The following CRYL1 variants were observed in gnomAD, a reference collection of about 807,000 sequenced individuals.
CRYL1 encodes crystallin lambda 1.
Under a neutral mutation model 36.6 loss-of-function variants are expected in CRYL1, and 29 were observed. That is an observed-to-expected ratio of 0.79 (90% CI 0.59 to 1.08). The LOEUF is 1.08. Among genes scored for constraint, CRYL1 ranks in the 50% least tolerant of loss-of-function variants. The pLI, the probability that CRYL1 is intolerant of heterozygous loss-of-function variation, is 0.00. For missense variants in CRYL1, 411 were observed against 407.9 expected (o/e 1.01, Z -0.06); for synonymous variants, 152 against 151.5 (o/e 1.00, Z -0.02).
intron 2 of CRYL1, among the ~76,000 whole-genome samples, chr13:20,505,293 G>A (rs2033772715): frequency 6.9e-6 from 1 of 145,134 alleles, no homozygotes; most frequent in African/African-American, 2.5e-5. Flanking sequence ...GGAGGCAGAA[G>A]TTAGAGTAAG....
At position 20,481,424 on chromosome 13, in the gene CRYL1, G is replaced by T. The variant is rs1021902364; in HGVS notation, c.276+7946C>A. The stretch of plus-strand genomic sequence containing the variant: ...AAAGAACAGATCAGTGGTGGGCAAG[G>T]CCTGGGGAACGGTGGGAGGAAATTA... On this transcript the variant is annotated intron_variant, in intron 3 of 7. Transcript: ENST00000298248. The surrounding 1 kb of genome is among the most constrained non-coding windows in gnomAD (Gnocchi z 4.1). 1.3e-5 allele frequency among the ~76,000 whole-genome samples: 2 copies of T among 152,182 alleles called. No individual in the cohort carries two copies. The highest frequency in any genetic ancestry group is 4.8e-5 in the African/African-American group (2 of 41,446).
intron 6 of CRYL1, among the ~76,000 whole-genome samples, chr13:20,405,090 T>G (rs955100898): frequency 2.0e-5 from 3 of 152,120 alleles, no homozygotes; most frequent in African/African-American, 7.2e-5. Flanking sequence ...GCCAACATGG[T>G]GAAACCCCGT....
intron 2 of CRYL1, among the ~76,000 whole-genome samples, chr13:20,506,065 A>G (rs962470442): frequency 3.3e-5 from 5 of 152,234 alleles, no homozygotes. Flanking sequence ...TAAGAAAGAG[A>G]AAAAGGTAGC....
At chr13:20,429,053 G>C (rs1163772114) in intron 5 of CRYL1, among the ~76,000 whole-genome samples, 1 of 152,184 alleles carries the variant, frequency 6.6e-6, no homozygotes, top group Non-Finnish European at 1.5e-5. Context: ...GTGAGTCCTA[G>C]TTGCCCCCCG....
At chr13:20,520,953 A>G (rs570149643) in intron 1 of CRYL1, among the ~76,000 whole-genome samples, 2 of 152,068 alleles carry the variant, frequency 1.3e-5, no homozygotes, top group African/African-American at 4.8e-5. Context: ...AAATATAAAT[A>G]ATTAGCCAGG....
intron 2 of CRYL1, among the ~76,000 whole-genome samples, chr13:20,503,309 G>A (rs559290347): frequency 6.0e-4 from 91 of 152,302 alleles, no homozygotes; most frequent in African/African-American, 2.1e-3. Flanking sequence ...TTGGGCAACA[G>A]ACACGGGCTT....
At chr13:20,491,433 C>T (rs2033510657) in intron 2 of CRYL1, among the ~76,000 whole-genome samples, 1 of 152,174 alleles carries the variant, frequency 6.6e-6, no homozygotes, top group Non-Finnish European at 1.5e-5. Flanking sequence ...CCTGGACCAC[C>T]ATCCCCAGTG....
At position 20,474,665 on chromosome 13, in the gene CRYL1, C is replaced by T. The variant is rs536920541; in HGVS notation, c.276+14705G>A. Among the ~76,000 whole-genome samples the T allele has an allele frequency of 1.5e-3, 232 of 152,232 alleles. 3 individuals are homozygous for T. The highest frequency in any genetic ancestry group is 5.2e-3 in the African/African-American group (216 of 41,548). ...AATGCTCCTGGCCCCTCAGAGGCAG[C>T]GGCGACTCCCAAGCTGCTCACACTC... is the stretch of plus-strand genomic sequence containing the variant. On this transcript the variant is annotated intron_variant, in intron 3 of 7. Coordinates refer to ENST00000298248, the MANE Select transcript of CRYL1 (RefSeq NM_015974.3).
chr13:20,452,583 A>AT (rs1356649843), intron 3 of CRYL1, among the ~76,000 whole-genome samples: 2 of 152,186 alleles, frequency 1.3e-5, no homozygotes, highest in East Asian at 3.8e-4. Context: ...AGTACAGAGG[A>AT]TTTTTAGGGC....
chr13:20,419,316 G>A (rs2031745293), intron 5 of CRYL1, among the ~76,000 whole-genome samples: 1 of 152,096 alleles, frequency 6.6e-6, no homozygotes, highest in South Asian at 2.1e-4. Flanking sequence ...ATTTTGAAAT[G>A]GAGTTTTGCT....
rs2032041070 is a variant in CRYL1 at position 20,430,755 on chromosome 13, A to G, written c.633+1347T>C. 4.1e-6 allele frequency: 4 copies of G among 985,386 alleles called. No individual in the cohort carries two copies. In the South Asian group the frequency reaches 1.9e-4, roughly 46 times the overall value. 61.0% of individuals were successfully genotyped at this position (985,386 alleles called of 1,614,324 possible). On this transcript the variant is annotated intron_variant, in intron 5 of 7. Coordinates refer to ENST00000298248, the MANE Select transcript of CRYL1 (RefSeq NM_015974.3). ...AATATCTTACAAATAAAAAGCTGAGATTGCCTGTAAAACCCCACAAGGTTT... is the reference window on the plus strand; with the variant it reads ...AATATCTTACAAATAAAAAGCTGAGGTTGCCTGTAAAACCCCACAAGGTTT...
Position 20,484,084 on chromosome 13 carries a change from G to A in CRYL1, c.276+5286C>T, listed in dbSNP as rs1183724863. 2.0e-5 allele frequency among the ~76,000 whole-genome samples: 3 copies of A among 152,212 alleles called. No individual in the cohort carries two copies. In the East Asian group the frequency reaches 5.8e-4, roughly 29 times the overall value. The stretch of plus-strand genomic sequence containing the variant: ...GCCCGCCTTGGCCTCCCAAAGTGCT[G>A]GGATTACAGGCGTGAGCCACCGCGC... On this transcript the variant is annotated intron_variant, in intron 3 of 7. Coordinates refer to ENST00000298248, the MANE Select transcript of CRYL1 (RefSeq NM_015974.3).
At chr13:20,491,866 A>T (rs1043424349) in intron 2 of CRYL1, among the ~76,000 whole-genome samples, 1 of 152,202 alleles carries the variant, frequency 6.6e-6, no homozygotes, top group Admixed American at 6.5e-5. Context: ...TGGCCAGTTC[A>T]TCTGGAAGTT....
intron 1 of CRYL1, among the ~76,000 whole-genome samples, chr13:20,516,518 C>T (rs1208273796): frequency 6.6e-6 from 1 of 151,734 alleles, no homozygotes; most frequent in Non-Finnish European, 1.5e-5. Context: ...CTTGCTCTGT[C>T]GCCCAGGCTG....
intron 3 of CRYL1, among the ~76,000 whole-genome samples, chr13:20,484,202 G>T (rs2033347603): frequency 6.6e-6 from 1 of 152,100 alleles, no homozygotes; most frequent in Non-Finnish European, 1.5e-5. Context: ...ACCTTCCCTT[G>T]TATAAATCAG....
At position 20,425,855 on chromosome 13, in the gene CRYL1, G is replaced by A. The variant is rs569084833; in HGVS notation, c.633+6247C>T. Among the ~76,000 whole-genome samples, 2 of 152,168 alleles carry A rather than the reference G, an allele frequency of 1.3e-5. No individual in the cohort carries two copies. The highest frequency in any genetic ancestry group is 4.8e-5 in the African/African-American group (2 of 41,522). ...AACCTGGCTGACAGCATGAGATCAG[G>A]CCCCAGTACACAGAGGCCCCACTGT... On this transcript the variant is annotated intron_variant, in intron 5 of 7. Coordinates refer to ENST00000298248, the MANE Select transcript of CRYL1 (RefSeq NM_015974.3). This position sits in a 1 kb window ranked among gnomAD's most constrained non-coding sequence, Gnocchi z 4.4.
At chr13:20,442,183 C>A (rs1333246258) in intron 3 of CRYL1, among the ~76,000 whole-genome samples, 1 of 152,188 alleles carries the variant, frequency 6.6e-6, no homozygotes, top group Non-Finnish European at 1.5e-5. Flanking sequence ...TGCAGATTCT[C>A]CCTTGAAATT....
At chr13:20,463,935 G>A (rs1290013981) in intron 3 of CRYL1, among the ~76,000 whole-genome samples, 5 of 152,152 alleles carry the variant, frequency 3.3e-5, no homozygotes, top group Admixed American at 1.3e-4. Flanking sequence ...CAGAATGCCC[G>A]AGGGAGAGCC....
rs2031638534 is a variant in CRYL1 at position 20,415,470 on chromosome 13, G to C, written c.634-2083C>G. Among the ~76,000 whole-genome samples, 1 of 152,210 alleles carries C rather than the reference G, an allele frequency of 6.6e-6. No individual in the cohort carries two copies. Among genetic ancestry groups the C allele is most frequent in the Non-Finnish European group, 1.5e-5 (1 of 68,018 alleles). The stretch of plus-strand genomic sequence containing the variant: ...CTGCGTCTGCAGAGAGCGCGGCGGT[G>C]AAGCGGGAGCAGGCGGCCTGGCCCA... On this transcript the variant is annotated intron_variant, in intron 5 of 7. Coordinates refer to ENST00000298248, the MANE Select transcript of CRYL1 (RefSeq NM_015974.3). The surrounding 1 kb of genome is among the most constrained non-coding windows in gnomAD (Gnocchi z 4.1).
Sources: allele counts gnomAD v4.1 joint callset (sites outside exome capture counted in the v4.1 genomes callset), GRCh38; gene constraint gnomAD v4.1.1; non-coding constraint Gnocchi (gnomAD v3.1); transcripts MANE v1.5; gene names NCBI Gene and HGNC (gene_info 2026-07-23, HGNC 2026-07-21).